Variants in SORT1 observed in about 807,000 individuals in gnomAD.
The protein encoded by SORT1 is sortilin.
In SORT1, 39 loss-of-function variants were observed where a neutral mutation model predicts 101.7. The ratio of observed to expected loss-of-function variants is 0.38; its 90% CI spans 0.30 to 0.50. SORT1 has a LOEUF of 0.50. Among genes scored for constraint, SORT1 ranks in the 20% least tolerant of loss-of-function variants. SORT1 has a pLI of 0.90. For missense variants in SORT1, 878 were observed against 1,040.4 expected, an observed-to-expected ratio of 0.84 and a Z score of 2.15; for synonymous variants, 396 against 393.7, an observed-to-expected ratio of 1.01 and a Z score of -0.07.
intron 19 of SORT1, 73 bp downstream of exon 19, chr1:109,314,188 A>G: frequency 6.5e-7 from 1 of 1,534,436 alleles, no homozygotes; most frequent in East Asian, 2.7e-5. Context: ...TTGATCATGA[A>G]TAGAAGACAG....
intron 1 of SORT1, among the ~76,000 whole-genome samples, chr1:109,379,493 T>A (rs558810951): frequency 6.6e-6 from 1 of 152,242 alleles, no homozygotes; most frequent in African/African-American, 2.4e-5. Context: ...AAACGTATGA[T>A]CTAGAAACAG....
At chr1:109,347,563 T>C (rs1649685351) in intron 6 of SORT1, 31 bp from the exon 7 acceptor site, 6 of 1,528,852 alleles carry the variant, frequency 3.9e-6, no homozygotes, top group African/African-American at 1.4e-5. Context: ...GGAAAAGAAA[T>C]GGTTTAAGAC....
intron 14 of SORT1, among the ~76,000 whole-genome samples, chr1:109,324,282 C>T (rs1016995945): frequency 6.6e-6 from 1 of 152,122 alleles, no homozygotes; most frequent in African/African-American, 2.4e-5. Context: ...ACCTTACAGG[C>T]ACCCGCCACC....
intron 1 of SORT1, among the ~76,000 whole-genome samples, chr1:109,370,747 C>G (rs932347243): frequency 6.6e-6 from 1 of 152,156 alleles, no homozygotes; most frequent in African/African-American, 2.4e-5. Flanking sequence ...TCCTTGGAAG[C>G]TGGGGAATGT....
At chr1:109,387,639 C>G (rs1652648432) in intron 1 of SORT1, among the ~76,000 whole-genome samples, 1 of 152,210 alleles carries the variant, frequency 6.6e-6, no homozygotes, top group Non-Finnish European at 1.5e-5. Flanking sequence ...TTATTTTCTT[C>G]TCTATCTCCC....
In SORT1 at chr1:109,323,021, T is replaced by C. The variant is rs201861690; in HGVS notation, c.1935A>G (p.Leu645=). The change falls in exon 15 of 20, where the codon CTA becomes CTG. Residue 645 remains leucine, a synonymous_variant. Transcript: ENST00000256637. The part of the protein sequence containing the change: ...ILGYKEQFLR[L]RKSSVCQNGR... The stretch of plus-strand genomic sequence containing the variant: ...CATTCTGACACACGGATGACTTGCG[T>C]AGCCGCAGAAACTGTTCTTTGTAGC... 6.2e-7 allele frequency: 1 copy of C among 1,614,216 alleles called. No individual in the cohort carries two copies. Among genetic ancestry groups the C allele is most frequent in the East Asian group, 2.2e-5 (1 of 44,892 alleles).
chr1:109,330,791 A>C lies in SORT1; in HGVS notation c.1372-3190T>G, dbSNP rs559390730. Among the ~76,000 whole-genome samples the C allele has an allele frequency of 9.1e-4, 139 of 152,244 alleles. 1 individual carries two copies. The highest frequency in any genetic ancestry group is 3.2e-3 in the African/African-American group (133 of 41,580). On this transcript the variant is annotated intron_variant, in intron 11 of 19. Transcript: ENST00000256637. Reference sequence around the variant, plus strand: ...AATGTAAGAGGAGACATTATAACTTATACTACAGAAAAAACAAAGGATCCT... The same window carrying C: ...AATGTAAGAGGAGACATTATAACTTCTACTACAGAAAAAACAAAGGATCCT...
chr1:109,372,527 C>G (rs1322280648), intron 1 of SORT1, among the ~76,000 whole-genome samples: 1 of 152,154 alleles, frequency 6.6e-6, no homozygotes, highest in Non-Finnish European at 1.5e-5. Context: ...AAGTTCATTT[C>G]TGGGTGGACT....
chr1:109,369,247 G>A (rs772720972), intron 2 of SORT1, among the ~76,000 whole-genome samples: 4 of 152,108 alleles, frequency 2.6e-5, no homozygotes, highest in Admixed American at 1.3e-4. Context: ...GCTTGAACCC[G>A]GGAGGTGGAG....
At chr1:109,314,224 G>C (rs762887402) in intron 19 of SORT1, 37 bp downstream of exon 19, 10 of 1,479,650 alleles carry the variant, frequency 6.8e-6, no homozygotes, top group Admixed American at 1.7e-5. Context: ...ATTTTTTGGG[G>C]GGGGGGGTAC....
At chr1:109,395,415 T>C (rs1653136124) in intron 1 of SORT1, among the ~76,000 whole-genome samples, 1 of 151,772 alleles carries the variant, frequency 6.6e-6, no homozygotes, top group Non-Finnish European at 1.5e-5. Context: ...GAGACAGGGT[T>C]TCACCATGTT....
chr1:109,320,256 T>C (rs182086876), intron 15 of SORT1, among the ~76,000 whole-genome samples: 134 of 152,342 alleles, frequency 8.8e-4, no homozygotes, highest in African/African-American at 3.1e-3. Context: ...TTCAAATACA[T>C]GCTGGATATC....
At chr1:109,338,209 T>C (rs1413826128) in intron 10 of SORT1, among the ~76,000 whole-genome samples, 1 of 152,120 alleles carries the variant, frequency 6.6e-6, no homozygotes, top group East Asian at 1.9e-4. Flanking sequence ...CTTGCGGACA[T>C]CTGGAGAAAC....
At chr1:109,356,004 T>C (rs891077422) in intron 3 of SORT1, among the ~76,000 whole-genome samples, 3 of 152,124 alleles carry the variant, frequency 2.0e-5, no homozygotes, top group Non-Finnish European at 4.4e-5. Flanking sequence ...CCCGAGTAGC[T>C]GGAATTACAG....
At chr1:109,386,218 A>G (rs752410003) in intron 1 of SORT1, among the ~76,000 whole-genome samples, 3 of 152,028 alleles carry the variant, frequency 2.0e-5, no homozygotes, top group Non-Finnish European at 4.4e-5. Context: ...TTTCATGACT[A>G]CTCTTTCTTC....
At chr1:109,363,169 G>T (rs1476567164) in intron 3 of SORT1, among the ~76,000 whole-genome samples, 3 of 152,104 alleles carry the variant, frequency 2.0e-5, no homozygotes, top group African/African-American at 4.8e-5. Flanking sequence ...TATAACATTG[G>T]TGTAGAATAA....
chr1:109,397,413 C>T (rs1200745106), intron 1 of SORT1, 174 bp downstream of exon 1: 5 of 210,226 alleles, frequency 2.4e-5, no homozygotes, highest in Non-Finnish European at 4.2e-5. Context: ...GCCCCGCCGG[C>T]CGCCCGGGCC....
intron 3 of SORT1, among the ~76,000 whole-genome samples, chr1:109,363,358 C>A (rs1421308556): frequency 6.6e-6 from 1 of 152,030 alleles, no homozygotes; most frequent in Admixed American, 6.6e-5. Flanking sequence ...CTCTATAATC[C>A]ATTATAAAAC....
chr1:109,317,891 A>G lies in SORT1; in HGVS notation c.2103T>C (p.Phe701=), dbSNP rs1475866364. ...GGTGTTCTTCTCTTCCGTACAGACA[A>G]AACTCCAGGTCGTGGCCCTTCAGTT... The part of the protein sequence containing the change: ...QPELKGHDLE[F]CLYGREEHLT... The change falls in exon 16 of 20, where the codon TTT becomes TTC. Residue 701 remains phenylalanine (F), a synonymous_variant. Transcript: ENST00000256637. 1 of 1,613,940 alleles carries G rather than the reference A, an allele frequency of 6.2e-7. No individual in the cohort carries two copies. Among genetic ancestry groups the G allele is most frequent in the Non-Finnish European group, 8.5e-7 (1 of 1,179,926 alleles).
Sources: gnomAD v4.1 joint callset for allele counts (sites outside exome capture counted in the v4.1 genomes callset) on GRCh38, gnomAD v4.1.1 for gene constraint, MANE v1.5 for transcripts, NCBI Gene and HGNC (gene_info 2026-07-23, HGNC 2026-07-21) for gene names.